EPHA5: variants seen among roughly 807,000 people sequenced by gnomAD.
The protein encoded by EPHA5 is ephrin type-A receptor 5.
In EPHA5, 60 loss-of-function variants were observed where a neutral mutation model predicts 105.0. The observed-to-expected ratio is 0.57, with a 90% CI of 0.46 to 0.71. The LOEUF is 0.71. Among genes scored for constraint, EPHA5 ranks in the 30% least tolerant of loss-of-function variants. The pLI is 0.00. For synonymous variants in EPHA5, 513 were observed against 449.1 expected (o/e 1.14, Z -1.80); for missense variants, 1,218 against 1,274.7 (o/e 0.96, Z 0.68).
chr4:65,333,520 T>TGC (rs1720857211), intron 15 of EPHA5, among the ~76,000 whole-genome samples: 1 of 141,430 alleles, frequency 7.1e-6, no homozygotes, highest in Non-Finnish European at 1.5e-5. Context: ...TGTGTGCGTG[T>TGC]GCGTGTGAGA....
In EPHA5 at chr4:65,621,158, C is replaced by A. The variant is rs4488983; in HGVS notation, c.247-18854G>T. ...AACCTAGTTTGAATAATGAACACTGCAGGGATACTTAGCAAGGTTAAACAG... is the reference window on the plus strand; with the variant it reads ...AACCTAGTTTGAATAATGAACACTGAAGGGATACTTAGCAAGGTTAAACAG... On this transcript the variant is annotated intron_variant, in intron 2 of 16. Coordinates refer to ENST00000613740, the MANE Select transcript of EPHA5 (RefSeq NM_001281766.3). 8.4e-3 allele frequency among the ~76,000 whole-genome samples: 1,279 copies of A among 152,230 alleles called. 23 individuals are homozygous for A. Among genetic ancestry groups the A allele is most frequent in the African/African-American group, 0.03 (1,229 of 41,554 alleles).
chr4:65,532,733 A>G (rs1318125525), intron 3 of EPHA5, among the ~76,000 whole-genome samples: 1 of 147,654 alleles, frequency 6.8e-6, no homozygotes, highest in Non-Finnish European at 1.5e-5. Context: ...TGTCTAATAA[A>G]TCTTCTAGTG....
chr4:65,632,259 G>T (rs1746707815), intron 2 of EPHA5, among the ~76,000 whole-genome samples: 1 of 151,938 alleles, frequency 6.6e-6, no homozygotes, highest in Non-Finnish European at 1.5e-5. Context: ...TAGTAAATTG[G>T]ATCAAACTCA....
intron 3 of EPHA5, among the ~76,000 whole-genome samples, chr4:65,521,802 A>G (rs890551044): frequency 6.6e-6 from 1 of 152,052 alleles, no homozygotes; most frequent in African/African-American, 2.4e-5. Flanking sequence ...TAATCCAGCT[A>G]CCATTCCCAC....
At chr4:65,360,138 C>T (rs1056091286) in intron 11 of EPHA5, among the ~76,000 whole-genome samples, 2 of 151,584 alleles carry the variant, frequency 1.3e-5, no homozygotes, top group South Asian at 2.1e-4. Flanking sequence ...ATAGAAAACA[C>T]CCACTCTCAA....
At chr4:65,397,555 A>G (rs1315263947) in intron 8 of EPHA5, among the ~76,000 whole-genome samples, 2 of 152,162 alleles carry the variant, frequency 1.3e-5, no homozygotes, top group African/African-American at 4.8e-5. Context: ...GACCAGGATG[A>G]AACAGCTCTA....
intron 1 of EPHA5, among the ~76,000 whole-genome samples, chr4:65,648,874 T>C (rs751802655): frequency 6.6e-6 from 1 of 152,130 alleles, no homozygotes; most frequent in Non-Finnish European, 1.5e-5. Flanking sequence ...AATTTTGTAG[T>C]TTGACAACTG....
intron 7 of EPHA5, among the ~76,000 whole-genome samples, chr4:65,407,382 T>C (rs1722464890): frequency 6.6e-6 from 1 of 152,084 alleles, no homozygotes; most frequent in African/African-American, 2.4e-5. Context: ...AACATTTTGG[T>C]AGTGTCAAAT....
At chr4:65,501,249 A>G (rs746154444) in intron 3 of EPHA5, among the ~76,000 whole-genome samples, 6 of 151,462 alleles carry the variant, frequency 4.0e-5, no homozygotes, top group Admixed American at 6.6e-5. Context: ...AAACATTGGA[A>G]GTGTAGCCAG....
At chr4:65,458,878 G>C (rs1727861334) in intron 5 of EPHA5, among the ~76,000 whole-genome samples, 1 of 151,990 alleles carries the variant, frequency 6.6e-6, no homozygotes, top group South Asian at 2.1e-4. Flanking sequence ...TAGAATTTGA[G>C]ATGAATATCG....
At chr4:65,642,939 G>T (rs1747795099) in intron 2 of EPHA5, among the ~76,000 whole-genome samples, 1 of 151,682 alleles carries the variant, frequency 6.6e-6, no homozygotes, top group Non-Finnish European at 1.5e-5. Context: ...AAATTAAATT[G>T]GTCCCAGCGT....
intron 8 of EPHA5, among the ~76,000 whole-genome samples, chr4:65,399,829 A>C (rs1310792897): frequency 6.6e-6 from 1 of 152,222 alleles, no homozygotes; most frequent in Non-Finnish European, 1.5e-5. Flanking sequence ...ATTAAAAAAT[A>C]TTCTTTAATC....
In EPHA5 at chr4:65,351,559, T is replaced by G. The variant is rs760710515; in HGVS notation, c.2275A>C (p.Met759Leu). The G allele has an allele frequency of 6.2e-7, 1 of 1,613,662 alleles. No homozygotes were observed. Among genetic ancestry groups the G allele is most frequent in the Non-Finnish European group, 8.5e-7 (1 of 1,179,744 alleles). The stretch of plus-strand genomic sequence containing the variant: ...ATTCCTGCAGAGATACCTCTCAGCA[T>G]GCCAACAAGCTGAATCACAGTGAAC... Reference protein sequence around the residue: ...GQFTVIQLVGMLRGISAGMKY... With the variant: ...GQFTVIQLVGLLRGISAGMKY... Residue 759 changes from methionine (M) to leucine (L), a missense_variant, in exon 13 of 17, where the codon ATG (methionine) becomes CTG (leucine). Coordinates refer to ENST00000613740, the MANE Select transcript of EPHA5 (RefSeq NM_001281766.3).
chr4:65,357,591 G>T (rs887605191), intron 11 of EPHA5, among the ~76,000 whole-genome samples: 2 of 151,274 alleles, frequency 1.3e-5, no homozygotes, highest in Non-Finnish European at 3.0e-5. Flanking sequence ...AACAATCTTG[G>T]ATTACATGCA....
chr4:65,625,114 A>G (rs1746017781), intron 2 of EPHA5, among the ~76,000 whole-genome samples: 2 of 152,222 alleles, frequency 1.3e-5, no homozygotes, highest in Non-Finnish European at 1.5e-5. Context: ...AGGAAACACT[A>G]GACAGTTTAA....
At chr4:65,335,317 G>T (rs1218577349) in intron 15 of EPHA5, among the ~76,000 whole-genome samples, 1 of 151,900 alleles carries the variant, frequency 6.6e-6, no homozygotes, top group African/African-American at 2.4e-5. Flanking sequence ...TTATTTAAAT[G>T]CATTCATGTG....
chr4:65,367,249 AAC>A, intron 9 of EPHA5, 106 bp downstream of exon 9: 7 of 910,560 alleles, frequency 7.7e-6, no homozygotes, highest in African/African-American at 1.7e-5. Flanking sequence ...AAAAAAAAAA[AAC>A]AATATTTTGG....
chr4:65,364,975 T>C (rs1369310618), intron 11 of EPHA5, 42 bp downstream of exon 11: 5 of 1,513,780 alleles, frequency 3.3e-6, no homozygotes, highest in Non-Finnish European at 4.5e-6. Context: ...AGACAGATAT[T>C]GAGGATATGC....
At chr4:65,439,657 T>C (rs1039173825) in intron 5 of EPHA5, among the ~76,000 whole-genome samples, 2 of 152,126 alleles carry the variant, frequency 1.3e-5, no homozygotes, top group Admixed American at 6.6e-5. Context: ...GACGACAGGG[T>C]ATTTTAATTT....
Sources: gnomAD v4.1 joint callset for allele counts (sites outside exome capture counted in the v4.1 genomes callset) on GRCh38, gnomAD v4.1.1 for gene constraint, MANE v1.5 for transcripts, NCBI Gene and HGNC (gene_info 2026-07-23, HGNC 2026-07-21) for gene names.